The following SSBP4 variants were observed in gnomAD, a reference collection of about 807,000 sequenced individuals.
The protein encoded by SSBP4 is single stranded DNA binding protein 4, also known as single-stranded DNA-binding protein 4.
A neutral mutation model predicts 64.6 loss-of-function variants in SSBP4; 33 were observed. The observed-to-expected ratio is 0.51, with a 90% CI of 0.39 to 0.68. The LOEUF is 0.68. Among genes scored for constraint, SSBP4 ranks in the 30% least tolerant of loss-of-function variants. The pLI is 0.00. For synonymous variants in SSBP4, 243 were observed against 224.0 expected (o/e 1.08, Z -0.76); for missense variants, 583 against 566.8 (o/e 1.03, Z -0.29).
At position 18,419,613 on chromosome 19, in the gene SSBP4, C is replaced by T; in HGVS notation, c.-36C>T. On this transcript the variant is annotated 5_prime_UTR_variant, in exon 1 of 18. Coordinates refer to ENST00000270061, the MANE Select transcript of SSBP4 (RefSeq NM_032627.5). ...AAGCGCGGCCCGCGGCGCCGCCTGA[C>T]AGGTGTGGGCCCCGGCGGCGGCGGC... The T allele has an allele frequency of 8.0e-7, 1 of 1,254,004 alleles. No individual in the cohort carries two copies. The highest frequency in any genetic ancestry group is 1.0e-6 in the Non-Finnish European group (1 of 994,048). The allele number at this position is 1,254,004 out of a possible 1,614,324, so 77.7% of individuals were successfully genotyped here. A position where few individuals can be genotyped will look rare whatever the true frequency, so the allele number is the denominator to read the frequency against.
At chr19:18,413,193 C>G in the SSBP4 span, among the ~76,000 whole-genome samples, 1 of 125,904 alleles carries the variant, frequency 7.9e-6, no homozygotes, top group South Asian at 2.5e-4. Context: ...TTATTGTGGA[C>G]GTGGGGGAGG....
chr19:18,433,952 A>G, intron 17 of SSBP4, 135 bp downstream of exon 17: 1 of 1,123,142 alleles, frequency 8.9e-7, no homozygotes, highest in Non-Finnish European at 1.1e-6. Flanking sequence ...CGGCCGCGGC[A>G]TCCTTTCCCT....
At chr19:18,407,147 C>T in the SSBP4 span, among the ~76,000 whole-genome samples, 31 of 152,212 alleles carry the variant, frequency 2.0e-4, no homozygotes, top group African/African-American at 7.2e-4. Flanking sequence ...AAGCGATTCT[C>T]ATGACTCAAC....
chr19:18,419,459 C>G lies in SSBP4; in HGVS notation c.-190C>G. The G allele has an allele frequency of 9.4e-7, 1 of 1,066,930 alleles. No homozygotes were observed. Among genetic ancestry groups the G allele is most frequent in the African/African-American group, 1.7e-5 (1 of 58,820 alleles). The allele number at this position is 1,066,930 out of a possible 1,614,324, so 66.1% of individuals were successfully genotyped here. On this transcript the variant is annotated 5_prime_UTR_variant, in exon 1 of 18. Transcript: ENST00000270061. ...AAAAAAGCCACCCTGCGGCCGGGGCCGGAGCTGGAGCCGCCGCTGCCGCCG... is the reference window on the plus strand; with the variant it reads ...AAAAAAGCCACCCTGCGGCCGGGGCGGGAGCTGGAGCCGCCGCTGCCGCCG...
rs1972947736 is a variant in SSBP4 at position 18,427,561 on chromosome 19, C to T, written c.132+138C>T. On this transcript the variant is annotated intron_variant, in intron 2 of 17. Transcript: ENST00000270061. This position sits in a 1 kb window ranked among gnomAD's most constrained non-coding sequence, Gnocchi z 4.4. ...AACTGAGGGCTCTGCAGGGTCCAGG[C>T]CCTGGGCTAGCATCCAGGCATCTGG... 7.9e-7 allele frequency: 1 copy of T among 1,264,250 alleles called. No individual in the cohort carries two copies. Among genetic ancestry groups the T allele is most frequent in the Non-Finnish European group, 1.1e-6 (1 of 924,620 alleles). 78.3% of individuals were successfully genotyped at this position (1,264,250 alleles called of 1,614,324 possible).
rs1600277414 is a variant in SSBP4 at position 18,419,642 on chromosome 19, G to A, written c.-7G>A. ...TGTGGGCCCCGGCGGCGGCGGCGTGGAGCAGCATGTACGCCAAGGGGGGCA... is the reference window on the plus strand; with the variant it reads ...TGTGGGCCCCGGCGGCGGCGGCGTGAAGCAGCATGTACGCCAAGGGGGGCA... On this transcript the variant is annotated 5_prime_UTR_variant, in exon 1 of 18. Transcript: ENST00000270061. 3 of 1,262,486 alleles carry A rather than the reference G, an allele frequency of 2.4e-6. No homozygotes were observed. The highest frequency in any genetic ancestry group is 3.7e-5 in the East Asian group (1 of 27,244). 78.2% of individuals were successfully genotyped at this position (1,262,486 alleles called of 1,614,324 possible). A position where few individuals can be genotyped will look rare whatever the true frequency, so the allele number is the denominator to read the frequency against.
At chr19:18,418,558 C>A (rs1972223038), upstream of SSBP4, among the ~76,000 whole-genome samples, 1 of 152,330 alleles carries the variant, frequency 6.6e-6, no homozygotes, top group East Asian at 1.9e-4. This position sits in a 1 kb window ranked among gnomAD's most constrained non-coding sequence, Gnocchi z 6.7. Context: ...CAGCAGTCAC[C>A]CAGCACCTAG....
chr19:18,432,741 T>C lies in SSBP4; in HGVS notation c.786+6T>C, dbSNP rs372025675. ...CATCCCCCGGCAGCTACACCGTAAG[T>C]CTGAGCAAAGCTGGGTCACCCCTGG... On this transcript the variant is annotated splice_donor_region_variant and intron_variant, in intron 12 of 17. Coordinates refer to ENST00000270061, the MANE Select transcript of SSBP4 (RefSeq NM_032627.5). 7.2e-5 allele frequency: 116 copies of C among 1,604,318 alleles called. No individual in the cohort carries two copies. In the African/African-American group the frequency reaches 1.5e-3, roughly 21 times the overall value.
Position 18,431,876 on chromosome 19 carries a change from C to A in SSBP4, c.565+14C>A, listed in dbSNP as rs1348626642. The A allele has an allele frequency of 6.4e-7, 1 of 1,567,994 alleles. No individual in the cohort carries two copies. The highest frequency in any genetic ancestry group is 1.8e-5 in the Admixed American group (1 of 54,800). ...CACGAGCCCAGGGTGAGTAGGGAAGCTCCAGCCCCTATCCCGCCATCAATC... is the reference window on the plus strand; with the variant it reads ...CACGAGCCCAGGGTGAGTAGGGAAGATCCAGCCCCTATCCCGCCATCAATC... On this transcript the variant is annotated intron_variant, in intron 8 of 17. Coordinates refer to ENST00000270061, the MANE Select transcript of SSBP4 (RefSeq NM_032627.5).
chr19:18,423,234 C>T lies in SSBP4; in HGVS notation c.59+3527C>T, dbSNP rs1444580185. Reference sequence around the variant, plus strand: ...GTGTTGCCTGGCAGCTCGTGGGTTTCTCCCGGGCTTGATTTTGAGCCGGCA... The same window carrying T: ...GTGTTGCCTGGCAGCTCGTGGGTTTTTCCCGGGCTTGATTTTGAGCCGGCA... On this transcript the variant is annotated intron_variant, in intron 1 of 17. Transcript: ENST00000270061. This position sits in a 1 kb window ranked among gnomAD's most constrained non-coding sequence, Gnocchi z 4.0. 6.6e-6 allele frequency among the ~76,000 whole-genome samples: 1 copy of T among 152,208 alleles called. No homozygotes were observed. The highest frequency in any genetic ancestry group is 1.5e-5 in the Non-Finnish European group (1 of 68,040).
At position 18,433,860 on chromosome 19, in the gene SSBP4, C is replaced by T. The variant is rs770570979; in HGVS notation, c.1128+43C>T. 1.0e-5 allele frequency: 12 copies of T among 1,202,644 alleles called. No individual in the cohort carries two copies. The African/African-American group carries it at 1.3e-4, about 13-fold the overall frequency. The allele number at this position is 1,202,644 out of a possible 1,614,324, so 74.5% of individuals were successfully genotyped here. A position where few individuals can be genotyped will look rare whatever the true frequency, so the allele number is the denominator to read the frequency against. ...CTCCCCCCCCGCGGCGGCGTCGGGC[C>T]GGAGGGGCTGGCGGGCAGGCCCCGG... On this transcript the variant is annotated intron_variant, in intron 17 of 17. Coordinates refer to ENST00000270061, the MANE Select transcript of SSBP4 (RefSeq NM_032627.5).
the SSBP4 span, among the ~76,000 whole-genome samples, chr19:18,403,514 G>A: frequency 2.0e-5 from 3 of 152,118 alleles, no homozygotes; most frequent in Admixed American, 2.0e-4. Flanking sequence ...CTGGGGTATG[G>A]GGATCCAGAG....
chr19:18,413,874 AGGTGT>A (rs1972112087), upstream of SSBP4, among the ~76,000 whole-genome samples: 1 of 152,072 alleles, frequency 6.6e-6, no homozygotes, highest in African/African-American at 2.4e-5. Flanking sequence ...AAAATTAGCC[AGGTGT>A]GGTGGCAGGC....
intron 4 of SSBP4, among the ~76,000 whole-genome samples, chr19:18,429,234 C>CGGGGGA (rs1973128292): frequency 6.6e-6 from 1 of 151,496 alleles, no homozygotes; most frequent in African/African-American, 2.4e-5. Flanking sequence ...CCCTCCGAGG[C>CGGGGGA]GGGGGAGGGG....
intron 1 of SSBP4, among the ~76,000 whole-genome samples, chr19:18,422,674 C>T (rs1972542671): frequency 6.6e-6 from 1 of 152,216 alleles, no homozygotes; most frequent in Admixed American, 6.5e-5. Context: ...CTTTCAGGAT[C>T]TTTGCAAGGA....
Position 18,434,328 on chromosome 19 carries a change from C to G in SSBP4, c.*82C>G. 1.9e-6 allele frequency: 3 copies of G among 1,560,460 alleles called. No individual in the cohort carries two copies. Among genetic ancestry groups the G allele is most frequent in the Non-Finnish European group, 2.6e-6 (3 of 1,154,182 alleles). ...TCAGGGCGAGGGGCTGAGGTCACAC[C>G]TCGGGCACCTGGACTCCTGGCCAAT... is the stretch of plus-strand genomic sequence containing the variant. On this transcript the variant is annotated 3_prime_UTR_variant, in exon 18 of 18. Transcript: ENST00000270061.
chr19:18,419,715 CG>C lies in SSBP4; in HGVS notation c.59+12del. ...CAGCCAGGCCCGCGAGAAGTGAGTG[CG>C]GGGCCGGGGGCGGGGCTCGGCGTCC... is the stretch of plus-strand genomic sequence containing the variant. On this transcript the variant is annotated intron_variant, in intron 1 of 17. Transcript: ENST00000270061. 8.7e-7 allele frequency: 1 copy of C among 1,152,502 alleles called. No individual in the cohort carries two copies. 71.4% of individuals were successfully genotyped at this position (1,152,502 alleles called of 1,614,324 possible).
the SSBP4 span, among the ~76,000 whole-genome samples, chr19:18,403,586 G>A: frequency 6.6e-6 from 1 of 151,758 alleles, no homozygotes; most frequent in Non-Finnish European, 1.5e-5. Flanking sequence ...TGGGGATCCT[G>A]GGGACTGAGG....
chr19:18,428,223 A>G (rs1281356138), intron 4 of SSBP4, among the ~76,000 whole-genome samples: 1 of 152,000 alleles, frequency 6.6e-6, no homozygotes, highest in Admixed American at 6.5e-5. Context: ...CACTGCACAC[A>G]CTTCTGAGGG....
Sources: allele counts gnomAD v4.1 joint callset (sites outside exome capture counted in the v4.1 genomes callset), GRCh38; gene constraint gnomAD v4.1.1; non-coding constraint Gnocchi (gnomAD v3.1); transcripts MANE v1.5; gene names NCBI Gene and HGNC (gene_info 2026-07-23, HGNC 2026-07-21).